Variants in KCTD10 observed in about 807,000 individuals in gnomAD.
KCTD10 encodes BTB/POZ domain-containing adapter for CUL3-mediated RhoA degradation protein 3.
A neutral mutation model predicts 34.6 loss-of-function variants in KCTD10; 13 were observed. The observed-to-expected ratio is 0.38, with a 90% CI of 0.24 to 0.60. The LOEUF is 0.60. Ranked by LOEUF, KCTD10 falls within the 20% of genes least tolerant of loss-of-function variation. KCTD10 has a pLI of 0.66. For synonymous variants in KCTD10, 156 were observed against 168.8 expected (o/e 0.92, Z 0.59); for missense variants, 256 against 420.3 (o/e 0.61, Z 3.42).
At chr12:109,477,110 C>T in intron 1 of KCTD10, 150 bp downstream of exon 1, 1 of 642,862 alleles carries the variant, frequency 1.6e-6, no homozygotes, top group Non-Finnish European at 2.3e-6. Context: ...CCACCCCGGG[C>T]CTTTCCCCTA....
chr12:109,449,749 T>C lies in KCTD10; in HGVS notation c.*1846A>G, dbSNP rs1180399026. The C allele has an allele frequency of 6.6e-6, 1 of 152,090 alleles. No homozygotes were observed. Among genetic ancestry groups the C allele is most frequent in the African/African-American group, 2.4e-5 (1 of 41,372 alleles). The allele number at this position is 152,090 out of a possible 1,614,324, so 9.4% of individuals were successfully genotyped here. A position where few individuals can be genotyped will look rare whatever the true frequency, so the allele number is the denominator to read the frequency against. On this transcript the variant is annotated 3_prime_UTR_variant, in exon 7 of 7. Transcript: ENST00000228495. ...TCAAAAAAAAATTTATACAATGGCT[T>C]TTCCATTTTCCTGGCCAACATTCAC...
chr12:109,476,107 T>C (rs1036948300), intron 1 of KCTD10, among the ~76,000 whole-genome samples: 3 of 152,198 alleles, frequency 2.0e-5, no homozygotes, highest in African/African-American at 7.2e-5. Flanking sequence ...CAGGGCTTGT[T>C]AAAACCGATA....
At chr12:109,465,828 G>C (rs1191653726) in intron 2 of KCTD10, among the ~76,000 whole-genome samples, 1 of 152,226 alleles carries the variant, frequency 6.6e-6, no homozygotes, top group Non-Finnish European at 1.5e-5. Context: ...GGACTTCCCA[G>C]TTTTCTAGGG....
chr12:109,474,674 C>G (rs1177131526), intron 1 of KCTD10, among the ~76,000 whole-genome samples: 1 of 152,130 alleles, frequency 6.6e-6, no homozygotes, highest in Non-Finnish European at 1.5e-5. Context: ...GAATTCCTGA[C>G]CTGACACATT....
intron 1 of KCTD10, chr12:109,471,416 G>C (rs1873879356): frequency 1.0e-6 from 1 of 985,264 alleles, no homozygotes; most frequent in Non-Finnish European, 1.2e-6. Context: ...CTCCTGGAAA[G>C]AAATGTTTTC....
rs1566049221 is a variant in KCTD10 at position 109,450,043 on chromosome 12, A to ATGTTGTTT, written c.*1551_*1552insAAACAACA. 3 of 379,784 alleles carry ATGTTGTTT rather than the reference A, an allele frequency of 7.9e-6. No homozygotes were observed. Among genetic ancestry groups the ATGTTGTTT allele is most frequent in the Non-Finnish European group, 9.3e-6 (2 of 214,606 alleles). 23.5% of individuals were successfully genotyped at this position (379,784 alleles called of 1,614,324 possible). ...ATGAAGGCATACAACTGTCACAGGC[A>ATGTTGTTT]GGGCAGTAAGTACAAAGTCTAAGCT... On this transcript the variant is annotated 3_prime_UTR_variant, in exon 7 of 7. Transcript: ENST00000228495.
At chr12:109,453,882 G>A (rs1358890305) in intron 6 of KCTD10, among the ~76,000 whole-genome samples, 1 of 152,186 alleles carries the variant, frequency 6.6e-6, no homozygotes, top group Admixed American at 6.5e-5. Flanking sequence ...TGAAAGAACT[G>A]AATGCTGCAA....
At chr12:109,465,151 T>C (rs1237667837) in intron 2 of KCTD10, among the ~76,000 whole-genome samples, 1 of 151,744 alleles carries the variant, frequency 6.6e-6, no homozygotes, top group Non-Finnish European at 1.5e-5. Context: ...TTCGTCACAG[T>C]GAACACCGCA....
In KCTD10 at chr12:109,460,799, A is replaced by G; in HGVS notation, c.224T>C (p.Ile75Thr). 1 of 1,613,964 alleles carries G rather than the reference A, an allele frequency of 6.2e-7. No homozygotes were observed. The highest frequency in any genetic ancestry group is 8.5e-7 in the Non-Finnish European group (1 of 1,179,868). The change falls in exon 3 of 7, where the codon ATC becomes ACC. Residue 75 changes from isoleucine to threonine, a missense_variant. Coordinates refer to ENST00000228495, the MANE Select transcript of KCTD10 (RefSeq NM_031954.5). This position sits in a 1 kb window ranked among gnomAD's most constrained non-coding sequence, Gnocchi z 4.5. ...MEVLTDSEGWILIDRCGKHFG... is the reference protein window; with the variant it reads ...MEVLTDSEGWTLIDRCGKHFG... ...GTGCTTCCCACAGCGGTCAATGAGGATCCAGCCTGCAGAGGGAGGAGGCAG... is the reference window on the plus strand; with the variant it reads ...GTGCTTCCCACAGCGGTCAATGAGGGTCCAGCCTGCAGAGGGAGGAGGCAG...
intron 2 of KCTD10, among the ~76,000 whole-genome samples, chr12:109,465,152 G>T (rs897628707): frequency 6.6e-6 from 1 of 151,800 alleles, no homozygotes; most frequent in South Asian, 2.1e-4. Flanking sequence ...TCGTCACAGT[G>T]AACACCGCAA....
At chr12:109,462,697 A>T (rs1207921596) in intron 2 of KCTD10, among the ~76,000 whole-genome samples, 2 of 152,220 alleles carry the variant, frequency 1.3e-5, no homozygotes, top group African/African-American at 4.8e-5. Context: ...AAGAGTGGCC[A>T]GGCAGGAATG....
chr12:109,472,838 C>T (rs1197261167), intron 1 of KCTD10, among the ~76,000 whole-genome samples: 2 of 152,166 alleles, frequency 1.3e-5, no homozygotes, highest in Non-Finnish European at 2.9e-5. Context: ...CATGACTGTA[C>T]CTTTTTTGGC....
At chr12:109,459,700 T>C (rs1335279468) in intron 3 of KCTD10, 1 of 152,206 alleles carries the variant, frequency 6.6e-6, no homozygotes, top group African/African-American at 2.4e-5. Flanking sequence ...AAATTCTAGT[T>C]TCTATAGTCA....
At position 109,451,840 on chromosome 12, in the gene KCTD10, G is replaced by A. The variant is rs150844224; in HGVS notation, c.724-27C>T. ...TGTGTTCCCACAGTATACAGGGCAG[G>A]TAAGTTATGGCCCACCCCCTCTGCC... On this transcript the variant is annotated intron_variant, in intron 6 of 6. Transcript: ENST00000228495. The surrounding 1 kb of genome is among the most constrained non-coding windows in gnomAD (Gnocchi z 5.0). 4.2e-5 allele frequency: 67 copies of A among 1,581,424 alleles called. No individual in the cohort carries two copies. In the East Asian group the frequency reaches 1.4e-3, roughly 34 times the overall value.
rs1008684371 is a variant in KCTD10, at chr12:109,450,078, G to A, written c.*1517C>T. On this transcript the variant is annotated 3_prime_UTR_variant, in exon 7 of 7. Coordinates refer to ENST00000228495, the MANE Select transcript of KCTD10 (RefSeq NM_031954.5). ...GTACAAAGTCTAAGCTGTAAAAACC[G>A]TTTGAAAATATAAACTCGTTTTTGG... 1.9e-4 allele frequency: 73 copies of A among 392,704 alleles called. No individual in the cohort carries two copies. Among genetic ancestry groups the A allele is most frequent in the Non-Finnish European group, 1.2e-4 (26 of 222,934 alleles). The allele number at this position is 392,704 out of a possible 1,614,324, so 24.3% of individuals were successfully genotyped here. A position where few individuals can be genotyped will look rare whatever the true frequency, so the allele number is the denominator to read the frequency against.
At position 109,451,974 on chromosome 12, in the gene KCTD10, T is replaced by TA. The variant is rs779022938; in HGVS notation, c.724-162dup. Among the ~76,000 whole-genome samples, 2 of 152,212 alleles carry TA rather than the reference T, an allele frequency of 1.3e-5. No homozygotes were observed. Among genetic ancestry groups the TA allele is most frequent in the African/African-American group, 4.8e-5 (2 of 41,452 alleles). The stretch of plus-strand genomic sequence containing the variant: ...AACTGATATTTTCAATGGCAACACT[T>TA]ACATGTGGTGCTAAATGCACAGAAA... On this transcript the variant is annotated intron_variant, in intron 6 of 6. Transcript: ENST00000228495. This position sits in a 1 kb window ranked among gnomAD's most constrained non-coding sequence, Gnocchi z 5.0.
At chr12:109,467,851 C>T (rs1417506956) in intron 2 of KCTD10, among the ~76,000 whole-genome samples, 1 of 152,036 alleles carries the variant, frequency 6.6e-6, no homozygotes, top group Non-Finnish European at 1.5e-5. Context: ...ATGCTCTGTC[C>T]AGTCGGGGAC....
In KCTD10 at chr12:109,451,218, G is replaced by A. The variant is rs749965974; in HGVS notation, c.*377C>T. On this transcript the variant is annotated 3_prime_UTR_variant, in exon 7 of 7. Coordinates refer to ENST00000228495, the MANE Select transcript of KCTD10 (RefSeq NM_031954.5). This position sits in a 1 kb window ranked among gnomAD's most constrained non-coding sequence, Gnocchi z 5.0. ...GAATTGTCAAACTGAACCCTTAAGG[G>A]AGTGTCACCCAAAAAGCCCACATAG... The A allele has an allele frequency of 6.7e-5, 12 of 178,004 alleles. No homozygotes were observed. The highest frequency in any genetic ancestry group is 1.3e-4 in the Admixed American group (2 of 15,856). The allele number at this position is 178,004 out of a possible 1,614,324, so 11.0% of individuals were successfully genotyped here.
chr12:109,468,873 C>T (rs1055810905), intron 2 of KCTD10, among the ~76,000 whole-genome samples: 2 of 151,950 alleles, frequency 1.3e-5, no homozygotes, highest in South Asian at 2.1e-4. Context: ...AGGATGGTCT[C>T]GATCTCCTGA....
Sources: allele counts gnomAD v4.1 joint callset (sites outside exome capture counted in the v4.1 genomes callset), GRCh38; gene constraint gnomAD v4.1.1; non-coding constraint Gnocchi (gnomAD v3.1); transcripts MANE v1.5; gene names NCBI Gene and HGNC (gene_info 2026-07-23, HGNC 2026-07-21).